FGF12: variants seen among roughly 807,000 people sequenced by gnomAD.
FGF12 encodes fibroblast growth factor 12.
Under a neutral mutation model 23.6 loss-of-function variants are expected in FGF12, and 14 were observed. That is an observed-to-expected ratio of 0.59 (90% CI 0.39 to 0.93). FGF12 has a LOEUF of 0.93. FGF12 is among the 40% of genes least tolerant of loss of function. The pLI is 0.00. For synonymous variants in FGF12, 62 were observed against 77.3 expected (o/e 0.80, Z 1.04); for missense variants, 175 against 217.8 (o/e 0.80, Z 1.24).
chr3:192,156,646 C>G (rs1714441741), intron 5 of FGF12, among the ~76,000 whole-genome samples: 1 of 149,980 alleles, frequency 6.7e-6, no homozygotes. Context: ...TGTCCTTGAT[C>G]AAGCCGCTTG....
chr3:192,158,675 T>TCCCTCCCTCC (rs58036569), intron 5 of FGF12, among the ~76,000 whole-genome samples: 83 of 63,558 alleles, frequency 1.3e-3, no homozygotes, highest in African/African-American at 6.3e-3. Flanking sequence ...CCTCCCTCCC[T>TCCCTCCCTCC]CTCTCTCTCT....
intron 2 of FGF12, among the ~76,000 whole-genome samples, chr3:192,566,960 T>C (rs984839538): frequency 9.2e-5 from 14 of 152,174 alleles, no homozygotes; most frequent in African/African-American, 3.1e-4. Flanking sequence ...GTCTATTCTC[T>C]ATTGAGTTCA....
intron 2 of FGF12, among the ~76,000 whole-genome samples, chr3:192,402,751 C>A (rs1025292679): frequency 2.0e-5 from 3 of 152,048 alleles, no homozygotes; most frequent in African/African-American, 7.2e-5. Flanking sequence ...ATCCTGAAGT[C>A]AAGTTATTAT....
chr3:192,541,711 G>A (rs530089416), intron 2 of FGF12, among the ~76,000 whole-genome samples: 1 of 151,848 alleles, frequency 6.6e-6, no homozygotes, highest in Non-Finnish European at 1.5e-5. Context: ...GGACATGTCT[G>A]ATGTTAATAA....
chr3:192,669,914 C>A (rs1364695540), intron 2 of FGF12, among the ~76,000 whole-genome samples: 2 of 152,078 alleles, frequency 1.3e-5, no homozygotes, highest in Admixed American at 1.3e-4. Context: ...ATTCAAATTA[C>A]AAGGTAGCTA....
At chr3:192,560,420 T>TA (rs1711970695) in intron 2 of FGF12, among the ~76,000 whole-genome samples, 1 of 151,688 alleles carries the variant, frequency 6.6e-6, no homozygotes, top group Non-Finnish European at 1.5e-5. Flanking sequence ...AGTGTTTTTG[T>TA]AAAAAAAGGT....
chr3:192,667,223 T>A (rs1454730819), intron 2 of FGF12, among the ~76,000 whole-genome samples: 2 of 151,978 alleles, frequency 1.3e-5, no homozygotes, highest in Non-Finnish European at 2.9e-5. Context: ...TAATAGAGGA[T>A]CTATATAATA....
At chr3:192,306,655 G>A (rs934029840) in intron 4 of FGF12, among the ~76,000 whole-genome samples, 1 of 152,204 alleles carries the variant, frequency 6.6e-6, no homozygotes, top group African/African-American at 2.4e-5. Flanking sequence ...GATATATGTT[G>A]ACCATGAATG....
At chr3:192,481,557 T>G in intron 2 of FGF12, among the ~76,000 whole-genome samples, 1 of 152,252 alleles carries the variant, frequency 6.6e-6, no homozygotes, top group South Asian at 2.1e-4. Context: ...AGAGATTTCA[T>G]GAATGTTGTT....
intron 5 of FGF12, among the ~76,000 whole-genome samples, chr3:192,157,367 T>C (rs1036304134): frequency 1.3e-5 from 2 of 152,244 alleles, no homozygotes; most frequent in African/African-American, 4.8e-5. Context: ...ATTTGTTCTA[T>C]TTATTTAATT....
chr3:192,279,435 A>G (rs1281138508), intron 4 of FGF12, among the ~76,000 whole-genome samples: 1 of 152,114 alleles, frequency 6.6e-6, no homozygotes, highest in Non-Finnish European at 1.5e-5. Flanking sequence ...TATTTATTTC[A>G]TTTAATTCTA....
chr3:192,351,294 G>A (rs779439313), intron 3 of FGF12, among the ~76,000 whole-genome samples: 3 of 152,070 alleles, frequency 2.0e-5, no homozygotes, highest in African/African-American at 4.8e-5. Context: ...ATGAGGGGTG[G>A]GGGAAGTAAA....
intron 1 of FGF12, 21 bp downstream of exon 1, chr3:192,727,463 T>A: frequency 3.0e-5 from 3 of 99,634 alleles, no homozygotes; most frequent in Non-Finnish European, 4.8e-5. Flanking sequence ...CCCGCTCAGA[T>A]TTTTTTTTTT....
chr3:192,240,272 C>T (rs1719539996), intron 4 of FGF12, among the ~76,000 whole-genome samples: 1 of 152,184 alleles, frequency 6.6e-6, no homozygotes, highest in East Asian at 1.9e-4. Flanking sequence ...ATTTTTCCAG[C>T]CCAGCAGTGA....
At chr3:192,659,200 T>C (rs1035621293) in intron 2 of FGF12, among the ~76,000 whole-genome samples, 3 of 152,220 alleles carry the variant, frequency 2.0e-5, no homozygotes, top group African/African-American at 7.2e-5. Flanking sequence ...TACATTAGTG[T>C]GACATCATAA....
chr3:192,254,998 G>A (rs1216351422), intron 4 of FGF12, among the ~76,000 whole-genome samples: 1 of 152,032 alleles, frequency 6.6e-6, no homozygotes, highest in African/African-American at 2.4e-5. Context: ...GTATGGATGT[G>A]AACTAGTAGG....
intron 2 of FGF12, among the ~76,000 whole-genome samples, chr3:192,545,856 C>T (rs1193201140): frequency 5.3e-5 from 8 of 152,086 alleles, no homozygotes; most frequent in Admixed American, 2.6e-4. Flanking sequence ...GGGCAAAGGA[C>T]GTTGAACCAC....
chr3:192,164,730 T>C, intron 5 of FGF12, among the ~76,000 whole-genome samples: 1 of 152,176 alleles, frequency 6.6e-6, no homozygotes, highest in East Asian at 1.9e-4. Flanking sequence ...AGTGCTGGAC[T>C]CTGTTAGGAT....
chr3:192,507,006 C>T (rs1724327055), intron 2 of FGF12, among the ~76,000 whole-genome samples: 1 of 151,678 alleles, frequency 6.6e-6, no homozygotes, highest in African/African-American at 2.4e-5. Context: ...ATTCTCCTGC[C>T]TCAGCCTCCC....
Sources: gnomAD v4.1 joint callset for allele counts (sites outside exome capture counted in the v4.1 genomes callset) on GRCh38, gnomAD v4.1.1 for gene constraint, MANE v1.5 for transcripts, NCBI Gene and HGNC (gene_info 2026-07-23, HGNC 2026-07-21) for gene names.